Variants in EEA1 observed in about 807,000 individuals in gnomAD.
EEA1 encodes the protein early endosome antigen 1, 162kD.
EEA1 carries 111 observed loss-of-function variants against 209.2 expected under a neutral mutation model. That is an observed-to-expected ratio of 0.53 (90% CI 0.45 to 0.62). EEA1 has a LOEUF of 0.62. Ranked by LOEUF, EEA1 falls within the 20% of genes least tolerant of loss-of-function variation. The pLI is 0.00. For synonymous variants in EEA1, 536 were observed against 540.6 expected, an observed-to-expected ratio of 0.99 and a Z score of 0.12; for missense variants, 1,343 against 1,530.8, an observed-to-expected ratio of 0.88 and a Z score of 2.05.
intron 22 of EEA1, among the ~76,000 whole-genome samples, chr12:92,783,027 G>A (rs1183079217): frequency 1.3e-5 from 2 of 152,212 alleles, no homozygotes; most frequent in Non-Finnish European, 2.9e-5. Context: ...TGTATTCTCT[G>A]TAATATCCTT....
intron 9 of EEA1, among the ~76,000 whole-genome samples, chr12:92,850,003 T>A (rs910137231): frequency 6.6e-6 from 1 of 152,216 alleles, no homozygotes; most frequent in Non-Finnish European, 1.5e-5. Flanking sequence ...TTATGTATTA[T>A]ACATCTTAGA....
At chr12:92,861,226 C>T (rs571445088) in intron 3 of EEA1, among the ~76,000 whole-genome samples, 2 of 152,244 alleles carry the variant, frequency 1.3e-5, no homozygotes, top group African/African-American at 4.8e-5. Context: ...AAGGCCGAGG[C>T]GGGCAGATCA....
Position 92,852,269 on chromosome 12 carries a change from C to T in EEA1, c.548G>A (p.Arg183Lys), listed in dbSNP as rs752791978. ...TTGTTCAGCAGCTTCTCGAAGACTC[C>T]TTTCTTCATCATACTTTGACTTTAT... ...ADIKSKYDEE[R>K]SLREAAEQKV... The change falls in exon 8 of 29, where the codon AGG becomes AAG. Residue 183 changes from arginine to lysine, a missense_variant. By Grantham distance (26) the Arg-to-Lys change is conservative. Transcript: ENST00000322349. 7.5e-6 allele frequency: 12 copies of T among 1,594,198 alleles called. No individual in the cohort carries two copies. Among genetic ancestry groups the T allele is most frequent in the Non-Finnish European group, 1.0e-5 (12 of 1,170,852 alleles).
chr12:92,784,827 C>G (rs1301856646), intron 22 of EEA1, among the ~76,000 whole-genome samples: 1 of 152,114 alleles, frequency 6.6e-6, no homozygotes, highest in Non-Finnish European at 1.5e-5. Flanking sequence ...AGAACCCTCT[C>G]TCCCATTCCA....
At chr12:92,822,556 T>C (rs1034543328) in intron 13 of EEA1, among the ~76,000 whole-genome samples, 4 of 137,366 alleles carry the variant, frequency 2.9e-5, no homozygotes, top group African/African-American at 1.1e-4. Context: ...ACCCTTCCTA[T>C]TCCTTTGGCT....
At chr12:92,884,152 T>G in intron 2 of EEA1, 1 of 1,250,954 alleles carries the variant, frequency 8.0e-7, no homozygotes, top group African/African-American at 1.5e-5. Context: ...TTGAACAGTA[T>G]GGAAAAATTG....
intron 3 of EEA1, among the ~76,000 whole-genome samples, chr12:92,864,346 A>T (rs887819233): frequency 6.6e-6 from 1 of 152,144 alleles, no homozygotes; most frequent in Non-Finnish European, 1.5e-5. Flanking sequence ...ATGCAAAGTT[A>T]TACCATTGAA....
intron 20 of EEA1, 112 bp from the exon 21 acceptor site, chr12:92,799,198 A>C: frequency 1.1e-6 from 1 of 909,908 alleles, no homozygotes; most frequent in Non-Finnish European, 1.6e-6. Context: ...TCAAAAGACA[A>C]TTTACTGAGT....
At chr12:92,828,114 C>A (rs1876408899) in intron 11 of EEA1, 53 bp from the exon 12 acceptor site, 2 of 1,296,834 alleles carry the variant, frequency 1.5e-6, no homozygotes, top group Non-Finnish European at 2.0e-6. Flanking sequence ...ACACACACAG[C>A]ACCACCTACT....
chr12:92,914,551 T>C (rs2264424), intron 1 of EEA1, among the ~76,000 whole-genome samples: 140,931 of 152,202 alleles, frequency 0.93, 65,334 homozygotes, highest in East Asian at 1. Flanking sequence ...TGAGGCTGGG[T>C]ACACTGGCTC....
intron 1 of EEA1, among the ~76,000 whole-genome samples, chr12:92,904,217 TC>T (rs950625218): frequency 2.0e-5 from 3 of 152,146 alleles, no homozygotes; most frequent in African/African-American, 7.2e-5. Context: ...AGCCTCAGCC[TC>T]CCAAAGTGCT....
At position 92,864,439 on chromosome 12, in the gene EEA1, G is replaced by A. The variant is rs1158227413; in HGVS notation, c.245+421C>T. ...AATTACCAGGAAACACAATGTGTAC[G>A]TATGCTTATTGCTATACTGGTGATT... On this transcript the variant is annotated intron_variant, in intron 3 of 28. Transcript: ENST00000322349. Among the ~76,000 whole-genome samples, 8 of 152,012 alleles carry A rather than the reference G, an allele frequency of 5.3e-5. No individual in the cohort carries two copies. In the East Asian group the frequency reaches 1.4e-3, roughly 26 times the overall value.
intron 7 of EEA1, among the ~76,000 whole-genome samples, 187 bp downstream of exon 7, chr12:92,852,725 A>G (rs756414077): frequency 6.6e-5 from 10 of 152,168 alleles, no homozygotes; most frequent in Non-Finnish European, 1.3e-4. Context: ...CTTTGAAGGC[A>G]GGCAGCTAGA....
intron 1 of EEA1, among the ~76,000 whole-genome samples, chr12:92,893,840 A>C (rs1358297263): frequency 6.6e-6 from 1 of 152,146 alleles, no homozygotes; most frequent in Non-Finnish European, 1.5e-5. Context: ...CCTCCAGTTT[A>C]ATAGCCAGCA....
In EEA1 at chr12:92,774,811, G is replaced by C. The variant is rs1030342302; in HGVS notation, c.*1200C>G. ...ATTAAAACTGGGAACAGTTGACATGGAACACCAAATTCAGAACCATTTTAA... is the reference window on the plus strand; with the variant it reads ...ATTAAAACTGGGAACAGTTGACATGCAACACCAAATTCAGAACCATTTTAA... On this transcript the variant is annotated 3_prime_UTR_variant, in exon 29 of 29. Coordinates refer to ENST00000322349, the MANE Select transcript of EEA1 (RefSeq NM_003566.4). 9 of 151,496 alleles carry C rather than the reference G, an allele frequency of 5.9e-5. No individual in the cohort carries two copies. The highest frequency in any genetic ancestry group is 1.9e-4 in the African/African-American group (8 of 41,350). The allele number at this position is 151,496 out of a possible 1,614,324, so 9.4% of individuals were successfully genotyped here. A position where few individuals can be genotyped will look rare whatever the true frequency, so the allele number is the denominator to read the frequency against.
intron 2 of EEA1, among the ~76,000 whole-genome samples, chr12:92,878,364 G>C (rs1879003230): frequency 6.6e-6 from 1 of 152,184 alleles, no homozygotes; most frequent in African/African-American, 2.4e-5. Context: ...ATCATGTACT[G>C]AATATGGTGG....
chr12:92,855,196 G>A (rs992047910), intron 5 of EEA1, among the ~76,000 whole-genome samples: 2 of 152,172 alleles, frequency 1.3e-5, no homozygotes, highest in Admixed American at 1.3e-4. Flanking sequence ...TTGGGAGGCC[G>A]AGACGGACGG....
intron 11 of EEA1, 21 bp from the exon 12 acceptor site, chr12:92,828,082 AT>A (rs1876405467): frequency 5.2e-6 from 8 of 1,541,742 alleles, no homozygotes; most frequent in Admixed American, 2.2e-5. Flanking sequence ...AGAAAAAAAA[AT>A]GTATGTACAT....
chr12:92,777,914 A>T, intron 26 of EEA1, 27 bp downstream of exon 26: 1 of 1,581,102 alleles, frequency 6.3e-7, no homozygotes, highest in Non-Finnish European at 8.7e-7. Flanking sequence ...CAATGGAAAT[A>T]AACTAATTTT....
Sources: gnomAD v4.1 joint callset for allele counts (sites outside exome capture counted in the v4.1 genomes callset) on GRCh38, gnomAD v4.1.1 for gene constraint, MANE v1.5 for transcripts, NCBI Gene and HGNC (gene_info 2026-07-23, HGNC 2026-07-21) for gene names.